Variants in EDC3 observed in about 807,000 individuals in gnomAD.
EDC3 encodes enhancer of mRNA decapping 3.
A neutral mutation model predicts 41.8 loss-of-function variants in EDC3; 20 were observed. The observed-to-expected ratio is 0.48, with a 90% CI of 0.34 to 0.70. The LOEUF (loss-of-function observed/expected upper bound fraction) is 0.70. Ranked by LOEUF, EDC3 falls within the 30% of genes least tolerant of loss-of-function variation. The pLI, the probability that EDC3 is intolerant of heterozygous loss-of-function variation, is 0.01. For missense variants in EDC3, 444 were observed against 636.8 expected (o/e 0.70, Z 3.26); for synonymous variants, 206 against 243.2 (o/e 0.85, Z 1.42).
At chr15:74,653,243 G>T (rs2062503463) in intron 4 of EDC3, among the ~76,000 whole-genome samples, 1 of 149,692 alleles carries the variant, frequency 6.7e-6, no homozygotes, top group Admixed American at 6.6e-5. Flanking sequence ...TCTGTAAAAT[G>T]AAAAAATCAT....
intron 4 of EDC3, chr15:74,642,366 G>A (rs1337771712): frequency 6.6e-6 from 1 of 152,204 alleles, no homozygotes; most frequent in African/African-American, 2.4e-5. Flanking sequence ...TGAAATGTCA[G>A]TCATTGGTAT....
At chr15:74,664,436 G>C (rs141811450) in intron 3 of EDC3, among the ~76,000 whole-genome samples, 97 of 152,372 alleles carry the variant, frequency 6.4e-4, no homozygotes, top group Admixed American at 8.5e-4. Flanking sequence ...TTCCTGTGCC[G>C]TTTTTCTGCC....
intron 3 of EDC3, among the ~76,000 whole-genome samples, chr15:74,669,148 A>C (rs1567172365): frequency 6.6e-6 from 1 of 152,018 alleles, no homozygotes; most frequent in Non-Finnish European, 1.5e-5. Flanking sequence ...AGAGTTTGAG[A>C]CCAGCCTGAC....
At position 74,675,012 on chromosome 15, in the gene EDC3, G is replaced by A. The variant is rs756543768; in HGVS notation, c.113C>T (p.Thr38Ile). 1.9e-6 allele frequency: 3 copies of A among 1,614,148 alleles called. No individual in the cohort carries two copies. Among genetic ancestry groups the A allele is most frequent in the South Asian group, 1.1e-5 (1 of 91,086 alleles). ...CTTCACTCCATTATGGAAAGGCCGG[G>A]TGAGAGAAATGGTCTGGCTGACCTG... is the stretch of plus-strand genomic sequence containing the variant. ...VDQVSQTISL[T>I]RPFHNGVKCL... The change falls in exon 2 of 7, where the codon ACC becomes ATC. Residue 38 changes from threonine (T) to isoleucine (I), a missense_variant. Physicochemically the swap from Thr to Ile is moderately conservative, Grantham distance 89 (BLOSUM62 -1). Around this residue, in one of 3 missense-constraint regions of EDC3, gnomAD observed 200 missense variants for 244.0 expected, o/e 0.82. Transcript: ENST00000315127.
chr15:74,656,112 C>T (rs771012149), intron 3 of EDC3, 44 bp from the exon 4 acceptor site: 54 of 1,535,880 alleles, frequency 3.5e-5, no homozygotes, highest in Middle Eastern at 3.5e-4. Context: ...CCACAGAAAG[C>T]GCTCAGTGAA....
intron 1 of EDC3, among the ~76,000 whole-genome samples, chr15:74,677,822 G>T (rs547973583): frequency 6.6e-6 from 1 of 152,180 alleles, no homozygotes; most frequent in African/African-American, 2.4e-5. Context: ...ATTCAAAATT[G>T]CTCAAATTCG....
At chr15:74,672,746 C>T (rs1422539145) in intron 2 of EDC3, among the ~76,000 whole-genome samples, 4 of 151,428 alleles carry the variant, frequency 2.6e-5, no homozygotes, top group Non-Finnish European at 4.4e-5. Context: ...CCCTGGGAGG[C>T]AAAGGTTACA....
intron 1 of EDC3, among the ~76,000 whole-genome samples, chr15:74,678,120 G>T (rs2062827062): frequency 6.6e-6 from 1 of 152,016 alleles, no homozygotes; most frequent in African/African-American, 2.4e-5. Flanking sequence ...GTGAACAAGA[G>T]AATTTTTAGG....
intron 3 of EDC3, among the ~76,000 whole-genome samples, chr15:74,669,751 T>TTG (rs1280118113): frequency 6.6e-6 from 1 of 152,164 alleles, no homozygotes; most frequent in African/African-American, 2.4e-5. Flanking sequence ...TAGAGAGACC[T>TTG]AGCTCACTCT....
At chr15:74,694,959 T>TTA (rs1555458721) in intron 1 of EDC3, among the ~76,000 whole-genome samples, 2 of 140,174 alleles carry the variant, frequency 1.4e-5, no homozygotes, top group African/African-American at 5.2e-5. Flanking sequence ...TGCCATTCAT[T>TTA]AAAAAAAAAA....
intron 1 of EDC3, among the ~76,000 whole-genome samples, chr15:74,678,769 A>G (rs1381653602): frequency 1.3e-5 from 2 of 151,686 alleles, no homozygotes; most frequent in Non-Finnish European, 1.5e-5. Flanking sequence ...ACGTGCCTGT[A>G]ATCCCAGCTA....
intron 6 of EDC3, 192 bp downstream of exon 6, chr15:74,635,217 G>A (rs943961494): frequency 2.8e-6 from 2 of 704,940 alleles, no homozygotes; most frequent in South Asian, 3.0e-5. Flanking sequence ...AGCTCTTCAT[G>A]TGAGTAGTTG....
intron 1 of EDC3, among the ~76,000 whole-genome samples, chr15:74,678,574 C>T (rs1259745856): frequency 6.6e-6 from 1 of 152,114 alleles, no homozygotes; most frequent in Non-Finnish European, 1.5e-5. Flanking sequence ...TAATGTCAAT[C>T]TCATACAAAC....
intron 1 of EDC3, chr15:74,693,105 T>A (rs957995762): frequency 6.6e-6 from 1 of 152,212 alleles, no homozygotes; most frequent in Non-Finnish European, 1.5e-5. Flanking sequence ...ATAAATTTAC[T>A]CTTAGCACAT....
At position 74,671,058 on chromosome 15, in the gene EDC3, A is replaced by G. The variant is rs1438200546; in HGVS notation, c.484+397T>C. ...TTTTTTTTTCTTTTTCAGAAACAGA[A>G]TCTCACTATTTTGCCCAGACTAGCC... On this transcript the variant is annotated intron_variant, in intron 3 of 6. Coordinates refer to ENST00000315127, the MANE Select transcript of EDC3 (RefSeq NM_025083.5). This position sits in a 1 kb window ranked among gnomAD's most constrained non-coding sequence, Gnocchi z 4.6. 6.6e-6 allele frequency among the ~76,000 whole-genome samples: 1 copy of G among 152,002 alleles called. No individual in the cohort carries two copies. The highest frequency in any genetic ancestry group is 2.4e-5 in the African/African-American group (1 of 41,382).
Position 74,635,924 on chromosome 15 carries a change from A to G in EDC3, c.975-298T>C, listed in dbSNP as rs879143951. The G allele has an allele frequency of 1.5e-5, 6 of 408,012 alleles. No homozygotes were observed. The Admixed American group carries it at 2.4e-4, about 16-fold the overall frequency. The allele number at this position is 408,012 out of a possible 1,614,324, so 25.3% of individuals were successfully genotyped here. A position where few individuals can be genotyped will look rare whatever the true frequency, so the allele number is the denominator to read the frequency against. On this transcript the variant is annotated intron_variant, in intron 5 of 6. Transcript: ENST00000315127. ...CGCTTTGCTGACCCATGAACACTTA[A>G]TAGTTCCTCTGCAGCCTTGTCTGCT...
intron 3 of EDC3, among the ~76,000 whole-genome samples, chr15:74,658,170 A>ATCACAG (rs1366079459): frequency 6.6e-6 from 1 of 152,202 alleles, no homozygotes; most frequent in Non-Finnish European, 1.5e-5. Flanking sequence ...CTGAACCTCT[A>ATCACAG]TCACAGTCTA....
chr15:74,678,811 A>G (rs1486116676), intron 1 of EDC3, among the ~76,000 whole-genome samples: 1 of 151,678 alleles, frequency 6.6e-6, no homozygotes, highest in African/African-American at 2.4e-5. Context: ...AATCGCTTGA[A>G]ATGGGGAGGT....
chr15:74,653,728 TA>T (rs1274773284), intron 4 of EDC3, among the ~76,000 whole-genome samples: 2 of 152,210 alleles, frequency 1.3e-5, no homozygotes, highest in Non-Finnish European at 1.5e-5. Flanking sequence ...AAAATAATTT[TA>T]TATGACAGAA....
Sources: gnomAD v4.1 joint callset for allele counts (sites outside exome capture counted in the v4.1 genomes callset) on GRCh38, gnomAD v4.1.1 for gene constraint, gnomAD v4.1.1 regional missense constraint, Gnocchi (gnomAD v3.1) non-coding constraint, MANE v1.5 for transcripts, NCBI Gene and HGNC (gene_info 2026-07-23, HGNC 2026-07-21) for gene names.